The following DPY19L4 variants were observed in gnomAD, a reference collection of about 807,000 sequenced individuals.
The protein encoded by DPY19L4 is probable C-mannosyltransferase DPY19L4.
Under a neutral mutation model 102.8 loss-of-function variants are expected in DPY19L4, and 97 were observed. The observed-to-expected ratio is 0.94, with a 90% CI of 0.80 to 1.12. The LOEUF (loss-of-function observed/expected upper bound fraction) is 1.12. Among genes scored for constraint, DPY19L4 ranks in the 50% most tolerant of loss-of-function variants. The pLI is 0.00. For synonymous variants in DPY19L4, 252 were observed against 283.1 expected (o/e 0.89, Z 1.10); for missense variants, 815 against 850.4 (o/e 0.96, Z 0.52).
chr8:94,735,363 GCTGA>G (rs1811147446), intron 3 of DPY19L4, among the ~76,000 whole-genome samples: 1 of 152,102 alleles, frequency 6.6e-6, no homozygotes, highest in Non-Finnish European at 1.5e-5. Flanking sequence ...TTTTAGTCAA[GCTGA>G]CTGAGTATTT....
intron 13 of DPY19L4, among the ~76,000 whole-genome samples, chr8:94,773,470 C>A (rs1008324463): frequency 6.6e-6 from 1 of 151,106 alleles, no homozygotes; most frequent in Admixed American, 6.8e-5. Context: ...GAGTCTTTGT[C>A]GCCCAGGCTG....
intron 3 of DPY19L4, among the ~76,000 whole-genome samples, chr8:94,737,861 A>T (rs1178526845): frequency 6.6e-6 from 1 of 152,086 alleles, no homozygotes; most frequent in Admixed American, 6.5e-5. Flanking sequence ...CTTCTTTACA[A>T]AAAAATAAAA....
intron 17 of DPY19L4, 143 bp downstream of exon 17, chr8:94,783,945 CTTTTTAA>C: frequency 1.0e-6 from 1 of 971,744 alleles, no homozygotes; most frequent in Non-Finnish European, 1.5e-6. Context: ...TTTAAAAAAC[CTTTTTAA>C]TTAATAATAC....
chr8:94,777,631 G>A (rs752523852), intron 13 of DPY19L4, 35 bp from the exon 14 acceptor site: 3 of 1,596,322 alleles, frequency 1.9e-6, no homozygotes, highest in Non-Finnish European at 2.6e-6. Flanking sequence ...ATGTTCACAG[G>A]ATGTCTCATG....
chr8:94,788,630 A>G (rs929066502), intron 18 of DPY19L4, among the ~76,000 whole-genome samples: 101 of 109,792 alleles, frequency 9.2e-4, no homozygotes, highest in Non-Finnish European at 1.6e-3. Context: ...AAGACCACCT[A>G]AGACTGACGC....
chr8:94,769,630 T>C (rs1030769955), intron 12 of DPY19L4, among the ~76,000 whole-genome samples: 3 of 151,826 alleles, frequency 2.0e-5, no homozygotes, highest in Admixed American at 6.6e-5. Context: ...CGCAGGAGGA[T>C]TGCTTGAGGC....
intron 8 of DPY19L4, among the ~76,000 whole-genome samples, chr8:94,763,254 C>CTTT (rs374208413): frequency 9.5e-6 from 1 of 104,908 alleles, no homozygotes; most frequent in African/African-American, 3.4e-5. Context: ...GCCAAGGTAT[C>CTTT]TTTTTTTTTT....
chr8:94,772,061 C>G (rs145126712), intron 13 of DPY19L4, among the ~76,000 whole-genome samples: 9 of 152,174 alleles, frequency 5.9e-5, no homozygotes, highest in Non-Finnish European at 1.3e-4. Flanking sequence ...ACATATCTTG[C>G]ACTATTTATT....
At chr8:94,729,003 A>G (rs143189630) in intron 2 of DPY19L4, among the ~76,000 whole-genome samples, 1,679 of 151,838 alleles carry the variant, frequency 0.011, 24 homozygotes, top group African/African-American at 0.039. Flanking sequence ...CAACATAGTG[A>G]GACCCTGTCT....
chr8:94,773,289 A>G (rs1813012508), intron 13 of DPY19L4, among the ~76,000 whole-genome samples: 1 of 152,022 alleles, frequency 6.6e-6, no homozygotes, highest in Non-Finnish European at 1.5e-5. Flanking sequence ...TGTAATTCAT[A>G]TAGGAGCATC....
Position 94,789,874 on chromosome 8 carries a change from A to AT in DPY19L4, c.2137dup (p.Tyr713LeufsTer2), listed in dbSNP as rs1563622768. ...TATACTGGAACAGATCCTACTTTGTATATAAAATCAACACTGTGATATCCT... is the reference window on the plus strand; with the variant it reads ...TATACTGGAACAGATCCTACTTTGTATTATAAAATCAACACTGTGATATCCT... On this transcript the variant is annotated frameshift_variant, in exon 19 of 19. Transcript: ENST00000414645. LOFTEE classifies it high-confidence loss of function. 2 of 1,604,502 alleles carry AT rather than the reference A, an allele frequency of 1.2e-6. No individual in the cohort carries two copies. Among genetic ancestry groups the AT allele is most frequent in the Non-Finnish European group, 1.7e-6 (2 of 1,177,416 alleles).
At chr8:94,731,914 C>T (rs1586315260) in intron 2 of DPY19L4, among the ~76,000 whole-genome samples, 1 of 151,810 alleles carries the variant, frequency 6.6e-6, no homozygotes, top group Non-Finnish European at 1.5e-5. Flanking sequence ...ACTACAGGTG[C>T]CCGCCACCAC....
In DPY19L4 at chr8:94,777,699, G is replaced by C. The variant is rs1231109462; in HGVS notation, c.1488G>C (p.Met496Ile). The change falls in exon 14 of 19, where the codon ATG becomes ATC. Residue 496 changes from methionine (M) to isoleucine (I), a missense_variant. Met to Ile is a conservative substitution (Grantham distance 10, BLOSUM62 1). Transcript: ENST00000414645. ...ACATCTGGATTCCTTATGTGTGCAT[G>C]TTAGCAGCATTTGGTGTATGTTCTC... ...LKYIWIPYVCMLAAFGVCSPE... is the reference protein window; with the variant it reads ...LKYIWIPYVCILAAFGVCSPE... The C allele has an allele frequency of 1.9e-6, 3 of 1,614,040 alleles. No homozygotes were observed. The highest frequency in any genetic ancestry group is 3.3e-5 in the Admixed American group (2 of 60,000).
chr8:94,730,903 A>C (rs1260409205), intron 2 of DPY19L4, among the ~76,000 whole-genome samples: 2 of 149,606 alleles, frequency 1.3e-5, no homozygotes, highest in Non-Finnish European at 1.5e-5. Context: ...GCACCACCAC[A>C]CCCTGCTAAT....
At chr8:94,739,382 A>G (rs747587338) in intron 4 of DPY19L4, 31 bp from the exon 5 acceptor site, 2 of 1,527,078 alleles carry the variant, frequency 1.3e-6, no homozygotes, top group South Asian at 1.3e-5. Context: ...AGCAGAATAA[A>G]TAATCTGGAG....
intron 6 of DPY19L4, among the ~76,000 whole-genome samples, chr8:94,750,078 C>G (rs1472799469): frequency 6.6e-6 from 1 of 152,158 alleles, no homozygotes; most frequent in East Asian, 1.9e-4. Context: ...GCCTCAGCCT[C>G]TTGAGTAGCT....
chr8:94,740,114 A>G lies in DPY19L4; in HGVS notation c.611+324A>G, dbSNP rs1031785891. 1.0e-3 allele frequency among the ~76,000 whole-genome samples: 152 copies of G among 152,262 alleles called. 1 individual carries two copies. The highest frequency in any genetic ancestry group is 3.4e-3 in the African/African-American group (143 of 41,560). Reference sequence around the variant, plus strand: ...ATGAATTCTGCTAGTAGCCAATGATATTGTAAGAGGACTACAAGCCCCTGA... The same window carrying G: ...ATGAATTCTGCTAGTAGCCAATGATGTTGTAAGAGGACTACAAGCCCCTGA... On this transcript the variant is annotated intron_variant, in intron 6 of 18. Transcript: ENST00000414645.
Position 94,765,737 on chromosome 8 carries a change from A to C in DPY19L4, c.1029A>C (p.Val343=), listed in dbSNP as rs1487531404. The C allele has an allele frequency of 3.1e-6, 5 of 1,602,900 alleles. No homozygotes were observed. Among genetic ancestry groups the C allele is most frequent in the Non-Finnish European group, 4.3e-6 (5 of 1,172,526 alleles). Residue 343 remains valine, a synonymous_variant, in exon 10 of 19, where the codon GTA becomes GTC. Transcript: ENST00000414645. ...TGAATGTGAAGAAAGGAAGTTTTGT[A>C]GCTAAAATAATAAAAGTGATTAATT... ...LQLNVKKGSF[V]AKIIKVINFY...
intron 2 of DPY19L4, among the ~76,000 whole-genome samples, chr8:94,734,004 T>G (rs559754334): frequency 1.8e-4 from 27 of 152,194 alleles, no homozygotes; most frequent in African/African-American, 6.0e-4. Flanking sequence ...ACATTATTAT[T>G]AATTTAAGAT....
Sources: allele counts gnomAD v4.1 joint callset (sites outside exome capture counted in the v4.1 genomes callset), GRCh38; gene constraint gnomAD v4.1.1; transcripts MANE v1.5; gene names NCBI Gene and HGNC (gene_info 2026-07-23, HGNC 2026-07-21).